KAZN: variants seen among roughly 807,000 people sequenced by gnomAD.
KAZN encodes kazrin.
KAZN carries 40 observed loss-of-function variants against 87.4 expected under a neutral mutation model. The observed-to-expected ratio is 0.46, with a 90% confidence interval of 0.36 to 0.60. The LOEUF (loss-of-function observed/expected upper bound fraction) is 0.60. KAZN is among the 20% of genes least tolerant of loss of function. The probability of loss-of-function intolerance (pLI) is 0.00; values close to 1 mark genes in which losing one functional copy is unlikely to be tolerated. For missense variants in KAZN, 898 were observed against 1,073.9 expected, an observed-to-expected ratio of 0.84 and a Z score of 2.29; for synonymous variants, 466 against 458.3, an observed-to-expected ratio of 1.02 and a Z score of -0.22.
chr1:14,944,682 C>T (rs1409362216), intron 1 of KAZN, among the ~76,000 whole-genome samples: 3 of 152,210 alleles, frequency 2.0e-5, no homozygotes, highest in Non-Finnish European at 2.9e-5. Flanking sequence ...GTGCTGTTCC[C>T]GGGGCCTTGG....
At chr1:14,098,493 A>G (rs1644178568) in intron 1 of KAZN, among the ~76,000 whole-genome samples, 2 of 152,198 alleles carry the variant, frequency 1.3e-5, no homozygotes, top group African/African-American at 2.4e-5. Context: ...TTGCAACATT[A>G]TGTAAATGAC....
intron 2 of KAZN, among the ~76,000 whole-genome samples, chr1:14,211,823 C>CT (rs888316229): frequency 6.5e-4 from 95 of 146,170 alleles, no homozygotes; most frequent in Admixed American, 2.9e-3. Flanking sequence ...TAACCCCAAG[C>CT]TTTTTTTTTT....
At chr1:14,494,068 A>C (rs1028689714) in intron 2 of KAZN, among the ~76,000 whole-genome samples, 8 of 152,122 alleles carry the variant, frequency 5.3e-5, no homozygotes, top group African/African-American at 1.9e-4. Context: ...TCATTTTCAG[A>C]AGCACGTATT....
At chr1:14,779,526 T>C (rs1044692635) in intron 1 of KAZN, among the ~76,000 whole-genome samples, 4 of 152,098 alleles carry the variant, frequency 2.6e-5, no homozygotes, top group Admixed American at 1.3e-4. Flanking sequence ...TTAAGAACCA[T>C]GATGGATTGA....
rs76207441 is a variant in KAZN at position 14,759,459 on chromosome 1, T to C, written c.226+160236T>C. 8.1e-3 allele frequency among the ~76,000 whole-genome samples: 1,227 copies of C among 152,284 alleles called. 34 individuals are homozygous for C. The highest frequency in any genetic ancestry group is 0.071 in the East Asian group (368 of 5,180). On this transcript the variant is annotated intron_variant, in intron 1 of 14. Transcript: ENST00000376030. The stretch of plus-strand genomic sequence containing the variant: ...GAGAGGCTCTATAAAAGCAGCTATA[T>C]TTGTGCAAATTTTGGTATTTTGATA...
At chr1:14,884,249 G>C (rs1291079737) in intron 1 of KAZN, among the ~76,000 whole-genome samples, 2 of 152,070 alleles carry the variant, frequency 1.3e-5, no homozygotes, top group African/African-American at 4.8e-5. Context: ...AAAATTAGCT[G>C]GGTGTGGTGG....
intron 1 of KAZN, among the ~76,000 whole-genome samples, chr1:14,173,016 T>C (rs929841544): frequency 6.6e-6 from 1 of 152,286 alleles, no homozygotes; most frequent in African/African-American, 2.4e-5. Context: ...AGACCTCTTA[T>C]GACCTAGCCT....
At chr1:14,895,345 G>GATT (rs1254828618) in intron 1 of KAZN, among the ~76,000 whole-genome samples, 1 of 152,258 alleles carries the variant, frequency 6.6e-6, no homozygotes, top group East Asian at 1.9e-4. Flanking sequence ...GACCGCCCTT[G>GATT]ATTAGCATAA....
Position 14,949,343 on chromosome 1 carries a change from CCAG to C in KAZN, c.227-11340_227-11338del, listed in dbSNP as rs943102314. Reference sequence around the variant, plus strand: ...ACTGAGGGCTGGAGGAGGCAGCTGGCCAGGCCCTGAGCAGAGGCCAGCACTTCC... The same window carrying C: ...ACTGAGGGCTGGAGGAGGCAGCTGGCGCCCTGAGCAGAGGCCAGCACTTCC... On this transcript the variant is annotated intron_variant, in intron 1 of 14. Transcript: ENST00000376030. The surrounding 1 kb of genome is among the most constrained non-coding windows in gnomAD (Gnocchi z 4.3). Among the ~76,000 whole-genome samples the C allele has an allele frequency of 8.5e-5, 13 of 152,064 alleles. No homozygotes were observed. Among genetic ancestry groups the C allele is most frequent in the Non-Finnish European group, 1.9e-4 (13 of 68,004 alleles).
At chr1:15,071,511 T>C (rs1004684764) in intron 8 of KAZN, among the ~76,000 whole-genome samples, 3 of 152,172 alleles carry the variant, frequency 2.0e-5, no homozygotes, top group Non-Finnish European at 4.4e-5. Context: ...CACCTTGGCC[T>C]CCCAAAGTGC....
intron 1 of KAZN, among the ~76,000 whole-genome samples, chr1:14,020,690 C>T (rs967702449): frequency 6.6e-6 from 1 of 152,192 alleles, no homozygotes; most frequent in Non-Finnish European, 1.5e-5. Context: ...TCTCTCCTTC[C>T]TAAGATTTTA....
chr1:14,462,951 G>T (rs1667932744), intron 2 of KAZN, among the ~76,000 whole-genome samples: 1 of 152,168 alleles, frequency 6.6e-6, no homozygotes, highest in South Asian at 2.1e-4. Flanking sequence ...AGCGTGAGCT[G>T]GTGGTGTTAG....
At chr1:14,070,451 C>T (rs1403741208) in intron 1 of KAZN, among the ~76,000 whole-genome samples, 1 of 152,096 alleles carries the variant, frequency 6.6e-6, no homozygotes, top group Non-Finnish European at 1.5e-5. Context: ...ACAGTCTTGA[C>T]TTGCAAGAAT....
At position 14,157,239 on chromosome 1, in the gene KAZN, ATTAT is replaced by A. The variant is rs138679069; in HGVS notation, c.92-23192_92-23189del. Among the ~76,000 whole-genome samples, 1,068 of 152,176 alleles carry A rather than the reference ATTAT, an allele frequency of 7.0e-3. 8 individuals are homozygous for A. The highest frequency in any genetic ancestry group is 0.024 in the African/African-American group (977 of 41,532). The stretch of plus-strand genomic sequence containing the variant: ...TGCAGTTATTATTTTTGATTGTTTC[ATTAT>A]TTAGTCTTTCTAATTAAGGTAACAG... On this transcript the variant is annotated intron_variant, in intron 1 of 16. Coordinates refer to the KAZN transcript ENST00000636203.
intron 2 of KAZN, among the ~76,000 whole-genome samples, chr1:14,214,160 A>G (rs1236739788): frequency 6.6e-6 from 1 of 152,192 alleles, no homozygotes; most frequent in Non-Finnish European, 1.5e-5. Flanking sequence ...ATGAGATTGG[A>G]TGAGATCATC....
At chr1:14,813,583 G>A (rs191090459) in intron 1 of KAZN, among the ~76,000 whole-genome samples, 185 of 152,312 alleles carry the variant, frequency 1.2e-3, no homozygotes, top group African/African-American at 3.9e-3. Context: ...CTCACCCACC[G>A]CTGCCTGAAT....
At chr1:15,076,392 A>G (rs1639755484) in intron 8 of KAZN, among the ~76,000 whole-genome samples, 1 of 152,248 alleles carries the variant, frequency 6.6e-6, no homozygotes, top group Non-Finnish European at 1.5e-5. Context: ...TCGGAGCTAG[A>G]TCCTGAGGCT....
At chr1:13,903,678 C>T (rs1203708) in intron 1 of KAZN, among the ~76,000 whole-genome samples, 150,993 of 152,262 alleles carry the variant, frequency 0.99, 74,865 homozygotes, top group Middle Eastern at 1. Flanking sequence ...AAGAACTGGT[C>T]TGGGGACAGG....
At chr1:14,296,319 G>A (rs1021057074) in intron 2 of KAZN, among the ~76,000 whole-genome samples, 10 of 152,252 alleles carry the variant, frequency 6.6e-5, no homozygotes, top group African/African-American at 7.2e-5. Context: ...CAGCTCCTCC[G>A]TAGAAAGGCC....
Sources: gnomAD v4.1 joint callset for allele counts (sites outside exome capture counted in the v4.1 genomes callset) on GRCh38, gnomAD v4.1.1 for gene constraint, Gnocchi (gnomAD v3.1) non-coding constraint, MANE v1.5 for transcripts, NCBI Gene and HGNC (gene_info 2026-07-23, HGNC 2026-07-21) for gene names.